The following UNC13C variants were observed in gnomAD, a reference collection of about 807,000 sequenced individuals.
UNC13C encodes the protein unc-13 homolog C.
Under a neutral mutation model 245.4 loss-of-function variants are expected in UNC13C, and 174 were observed. The observed-to-expected ratio is 0.71, with a 90% CI of 0.63 to 0.80. The LOEUF (loss-of-function observed/expected upper bound fraction) is 0.80. Ranked by LOEUF, UNC13C falls within the 30% of genes least tolerant of loss-of-function variation. The pLI is 0.00. For synonymous variants in UNC13C, 992 were observed against 895.1 expected, an observed-to-expected ratio of 1.11 and a Z score of -1.93; for missense variants, 2,829 against 2,602.9, an observed-to-expected ratio of 1.09 and a Z score of -1.89.
chr15:53,962,623 A>T, the UNC13C span, among the ~76,000 whole-genome samples: 1 of 152,182 alleles, frequency 6.6e-6, no homozygotes, highest in African/African-American at 2.4e-5. Context: ...CTCAAGAAAG[A>T]GACAAACTTA....
chr15:54,187,675 A>C (rs529888387), intron 4 of UNC13C, among the ~76,000 whole-genome samples: 88 of 152,224 alleles, frequency 5.8e-4, no homozygotes, highest in African/African-American at 2.0e-3. Flanking sequence ...TTTTTCTATA[A>C]AAATTTCTTC....
chr15:54,440,389 A>G (rs1463128252), intron 19 of UNC13C, among the ~76,000 whole-genome samples: 1 of 152,088 alleles, frequency 6.6e-6, no homozygotes, highest in Non-Finnish European at 1.5e-5. Flanking sequence ...GCTCCCATAT[A>G]TGAATGAGAA....
intron 30 of UNC13C, among the ~76,000 whole-genome samples, chr15:54,609,138 A>G (rs1566937305): frequency 6.6e-6 from 1 of 152,168 alleles, no homozygotes; most frequent in Admixed American, 6.5e-5. Flanking sequence ...GTCCATAACT[A>G]AGCTGATTTC....
rs1818592865 is a variant in UNC13C, at chr15:54,294,010, A to C, written c.3934A>C (p.Thr1312Pro). The C allele has an allele frequency of 6.3e-7, 1 of 1,597,186 alleles. No homozygotes were observed. The highest frequency in any genetic ancestry group is 8.5e-7 in the Non-Finnish European group (1 of 1,172,698). Residue 1312 changes from threonine to proline, a missense_variant, in exon 11 of 33, where the codon ACA (threonine) becomes CCA (proline). By Grantham distance (38) the Thr-to-Pro change is conservative. Coordinates refer to ENST00000260323, the MANE Select transcript of UNC13C (RefSeq NM_001080534.3). ...GGAGTCAGATGATTTTCTGGGACAA[A>C]CAATTGTAGAAGTGAGGACCTTGAG... is the stretch of plus-strand genomic sequence containing the variant. ...KKESDDFLGQTIVEVRTLSGE... is the reference protein window; with the variant it reads ...KKESDDFLGQPIVEVRTLSGE...
chr15:54,499,759 G>A (rs1045107540), intron 20 of UNC13C, among the ~76,000 whole-genome samples: 29 of 152,254 alleles, frequency 1.9e-4, no homozygotes, highest in African/African-American at 5.5e-4. Context: ...GAGGAAATGC[G>A]TTGATAGGGA....
rs141202718 is a variant in UNC13C at position 54,586,108 on chromosome 15, T to A, written c.6106+18161T>A. Reference sequence around the variant, plus strand: ...GATTCCCTGGTCTTTGAGAACAGTATCCTTGGGTCTTAAAACTAGCAAAAG... The same window carrying A: ...GATTCCCTGGTCTTTGAGAACAGTAACCTTGGGTCTTAAAACTAGCAAAAG... On this transcript the variant is annotated intron_variant, in intron 30 of 32. Transcript: ENST00000260323. Among the ~76,000 whole-genome samples, 37 of 152,326 alleles carry A rather than the reference T, an allele frequency of 2.4e-4. 1 individual carries two copies. In the East Asian group the frequency reaches 4.6e-3, roughly 19 times the overall value.
the UNC13C span, among the ~76,000 whole-genome samples, chr15:53,881,099 T>C: frequency 3.3e-5 from 5 of 152,278 alleles, no homozygotes; most frequent in Middle Eastern, 3.4e-3. Context: ...AAATCTATCA[T>C]TTAAGGGCTG....
chr15:54,109,281 CTCCCCTCCCCTCCCT>C (rs1301596628), intron 2 of UNC13C, among the ~76,000 whole-genome samples: 4 of 66,352 alleles, frequency 6.0e-5, no homozygotes, highest in East Asian at 4.9e-4. Flanking sequence ...CTCCCCTCCC[CTCCCCTCCCCTCCCT>C]TCCCCTCCCC....
chr15:54,455,336 T>G (rs935247559), intron 19 of UNC13C, among the ~76,000 whole-genome samples: 1 of 149,828 alleles, frequency 6.7e-6, no homozygotes, highest in Admixed American at 6.7e-5. Context: ...TGCAGTGTCT[T>G]TTTCAAATAA....
chr15:54,009,902 A>G (rs1411035713), intron 1 of UNC13C, among the ~76,000 whole-genome samples: 1 of 152,080 alleles, frequency 6.6e-6, no homozygotes, highest in African/African-American at 2.4e-5. Context: ...AAAGCCAATA[A>G]CCATTAGTGC....
At chr15:53,974,882 C>T (rs1160265916), upstream of UNC13C, 4 of 152,148 alleles carry the variant, frequency 2.6e-5, no homozygotes, top group South Asian at 2.1e-4. Flanking sequence ...TGGTTGCAGT[C>T]ATTTGAAAGC....
chr15:54,390,016 A>G (rs147589554), intron 17 of UNC13C, among the ~76,000 whole-genome samples: 3 of 152,144 alleles, frequency 2.0e-5, no homozygotes, highest in Non-Finnish European at 2.9e-5. Flanking sequence ...GGCATGAGCC[A>G]CTGCGCCCGG....
chr15:53,885,137 CA>C, the UNC13C span, among the ~76,000 whole-genome samples: 1 of 152,230 alleles, frequency 6.6e-6, no homozygotes, highest in Non-Finnish European at 1.5e-5. Context: ...TGGATACCCC[CA>C]AAGTAGGGCG....
chr15:53,847,492 G>T, the UNC13C span, among the ~76,000 whole-genome samples: 1 of 151,330 alleles, frequency 6.6e-6, no homozygotes, highest in Admixed American at 6.6e-5. Context: ...AAGCAGCTGG[G>T]ATTACAGGTG....
chr15:54,156,351 G>A (rs546908487), intron 4 of UNC13C, among the ~76,000 whole-genome samples: 1 of 152,286 alleles, frequency 6.6e-6, no homozygotes, highest in African/African-American at 2.4e-5. Flanking sequence ...AGGTAGGAAA[G>A]GCCAAACCAG....
At chr15:54,237,717 T>A in intron 7 of UNC13C, 27 bp downstream of exon 7, 9 of 1,534,346 alleles carry the variant, frequency 5.9e-6, no homozygotes, top group Non-Finnish European at 8.1e-6. Flanking sequence ...GCTCATAATA[T>A]CTAACTAGAT....
At chr15:54,000,020 G>A (rs895873517) in intron 1 of UNC13C, among the ~76,000 whole-genome samples, 14 of 152,046 alleles carry the variant, frequency 9.2e-5, no homozygotes, top group Non-Finnish European at 1.2e-4. Flanking sequence ...TACAGTTTTT[G>A]TATGTAATGA....
chr15:53,896,180 T>G, the UNC13C span, among the ~76,000 whole-genome samples: 1 of 151,960 alleles, frequency 6.6e-6, no homozygotes, highest in Non-Finnish European at 1.5e-5. Context: ...ATAAACACAT[T>G]TTTCGTTGAA....
rs1222296012 is a variant in UNC13C at position 54,627,515 on chromosome 15, A to G, written c.*402A>G. The G allele has an allele frequency of 6.4e-6, 1 of 157,170 alleles. No homozygotes were observed. The highest frequency in any genetic ancestry group is 1.4e-5 in the Non-Finnish European group (1 of 70,834). 9.7% of individuals were successfully genotyped at this position (157,170 alleles called of 1,614,324 possible). A position where few individuals can be genotyped will look rare whatever the true frequency, so the allele number is the denominator to read the frequency against. On this transcript the variant is annotated 3_prime_UTR_variant, in exon 33 of 33. Transcript: ENST00000260323. ...TTCCATTTTATTTACTTACCTCATT[A>G]TAGATGTCTTACAAATACCCTTTTC...
Sources: allele counts gnomAD v4.1 joint callset (sites outside exome capture counted in the v4.1 genomes callset), GRCh38; gene constraint gnomAD v4.1.1; transcripts MANE v1.5; gene names NCBI Gene and HGNC (gene_info 2026-07-23, HGNC 2026-07-21).